SLC12A3: variants seen among roughly 807,000 people sequenced by gnomAD.
The protein encoded by SLC12A3 is Na-Cl cotransporter.
SLC12A3 carries 104 observed loss-of-function variants against 121.0 expected under a neutral mutation model. That is an observed-to-expected ratio of 0.86 (90% CI 0.73 to 1.01). SLC12A3 has a LOEUF of 1.01. SLC12A3 is among the 50% of genes least tolerant of loss of function. The pLI is 0.00. For synonymous variants in SLC12A3, 536 were observed against 533.4 expected, an observed-to-expected ratio of 1.00 and a Z score of -0.07; for missense variants, 1,328 against 1,356.3, an observed-to-expected ratio of 0.98 and a Z score of 0.33.
At chr16:56,909,182 G>C (rs1475048468) in intron 25 of SLC12A3, among the ~76,000 whole-genome samples, 2 of 151,998 alleles carry the variant, frequency 1.3e-5, no homozygotes, top group African/African-American at 4.8e-5. Flanking sequence ...GTCTCAGCTG[G>C]GCATAGTGGC....
In SLC12A3 at chr16:56,894,731, A is replaced by G. The variant is rs34336141; in HGVS notation, c.2633+89A>G. 1,426 of 961,668 alleles carry G rather than the reference A, an allele frequency of 1.5e-3. 17 individuals are homozygous for G. In the African/African-American group the frequency reaches 0.02, roughly 14 times the overall value. 59.6% of individuals were successfully genotyped at this position (961,668 alleles called of 1,614,324 possible). A position where few individuals can be genotyped will look rare whatever the true frequency, so the allele number is the denominator to read the frequency against. Reference sequence around the variant, plus strand: ...GGCTGTCCCCTACCCTAGATCCTCTACCACCACCCCCAGGTGGGCACTGAG... The same window carrying G: ...GGCTGTCCCCTACCCTAGATCCTCTGCCACCACCCCCAGGTGGGCACTGAG... On this transcript the variant is annotated intron_variant, in intron 22 of 25. Transcript: ENST00000563236.
intron 2 of SLC12A3, 67 bp from the exon 3 acceptor site, chr16:56,868,230 G>A (rs776659969): frequency 1.1e-5 from 17 of 1,480,666 alleles, no homozygotes; most frequent in Non-Finnish European, 1.5e-5. Context: ...CATAGCAAGG[G>A]ACAGGGACTT....
intron 3 of SLC12A3, among the ~76,000 whole-genome samples, chr16:56,869,283 G>T (rs1264623682): frequency 6.6e-6 from 1 of 152,164 alleles, no homozygotes; most frequent in African/African-American, 2.4e-5. Context: ...ATAAATGCTG[G>T]CTCAAGGGCT....
intron 24 of SLC12A3, among the ~76,000 whole-genome samples, chr16:56,903,417 C>T (rs3794655): frequency 0.14 from 21,145 of 152,168 alleles, 1,575 homozygotes; most frequent in Middle Eastern, 0.18. Context: ...TTCTCCACCA[C>T]GAGGGAGCTT....
intron 8 of SLC12A3, among the ~76,000 whole-genome samples, chr16:56,874,830 G>A (rs543199936): frequency 6.6e-6 from 1 of 152,240 alleles, no homozygotes; most frequent in African/African-American, 2.4e-5. Context: ...GCAAAAAAAA[G>A]GAATGCACAT....
intron 25 of SLC12A3, among the ~76,000 whole-genome samples, chr16:56,905,093 A>G (rs528164105): frequency 4.3e-4 from 66 of 152,274 alleles, no homozygotes; most frequent in Middle Eastern, 3.4e-3. Flanking sequence ...TAATCCCAGC[A>G]CTTTGGGAGG....
At chr16:56,880,456 C>T (rs2055226080) in intron 12 of SLC12A3, among the ~76,000 whole-genome samples, 2 of 152,314 alleles carry the variant, frequency 1.3e-5, no homozygotes, top group South Asian at 4.1e-4. Context: ...CCCCTTCCCA[C>T]CTCCAGGCAG....
chr16:56,892,513 AC>A (rs2055402416), intron 20 of SLC12A3, among the ~76,000 whole-genome samples: 1 of 151,936 alleles, frequency 6.6e-6, no homozygotes, highest in Non-Finnish European at 1.5e-5. Context: ...CATCATGGGG[AC>A]CCACCTAGCA....
At chr16:56,911,846 G>A (rs761096232) in intron 25 of SLC12A3, among the ~76,000 whole-genome samples, 28 of 152,252 alleles carry the variant, frequency 1.8e-4, no homozygotes, top group Non-Finnish European at 1.6e-4. Flanking sequence ...GTACTAAGTG[G>A]TGATGACAGC....
At chr16:56,899,201 T>C (rs2055504706) in intron 22 of SLC12A3, among the ~76,000 whole-genome samples, 1 of 152,196 alleles carries the variant, frequency 6.6e-6, no homozygotes, top group African/African-American at 2.4e-5. Context: ...TGAAAATTAG[T>C]TGAATGAATA....
chr16:56,902,472 G>A lies in SLC12A3; in HGVS notation c.2820G>A (p.Lys940=), dbSNP rs1312647566. The A allele has an allele frequency of 6.9e-7, 1 of 1,448,436 alleles. No homozygotes were observed. The highest frequency in any genetic ancestry group is 9.3e-7 in the Non-Finnish European group (1 of 1,072,480). 89.7% of individuals were successfully genotyped at this position (1,448,436 alleles called of 1,614,324 possible). ...AGATGCGGCGGGACTGCCCCTGGAA[G>A]ATCTCAGATGAGGAGATTACGAAGA... ...VNEMRRDCPW[K]ISDEEITKNR... The change falls in exon 24 of 26, where the codon AAG becomes AAA. Residue 940 remains lysine (K), a synonymous_variant. Coordinates refer to ENST00000563236, the MANE Select transcript of SLC12A3 (RefSeq NM_001126108.2).
rs2055738235 is a variant in SLC12A3, at chr16:56,915,372, G to C, written c.*1967G>C. 1 of 152,218 alleles carries C rather than the reference G, an allele frequency of 6.6e-6. No individual in the cohort carries two copies. Among genetic ancestry groups the C allele is most frequent in the Admixed American group, 6.5e-5 (1 of 15,280 alleles). 9.4% of individuals were successfully genotyped at this position (152,218 alleles called of 1,614,324 possible). A position where few individuals can be genotyped will look rare whatever the true frequency, so the allele number is the denominator to read the frequency against. On this transcript the variant is annotated 3_prime_UTR_variant, in exon 26 of 26. Transcript: ENST00000563236. ...TCCTTTCTGGAGTTACAACCCAAAG[G>C]ATGTTAGCATTTCTCAGGTCATCCC...
chr16:56,877,974 G>A (rs1300226287), intron 8 of SLC12A3, 103 bp from the exon 9 acceptor site: 9 of 712,708 alleles, frequency 1.3e-5, no homozygotes, highest in Admixed American at 2.2e-5. Context: ...CCTTAGACAA[G>A]GAGGACAGGC....
intron 1 of SLC12A3, 44 bp downstream of exon 1, chr16:56,865,561 C>A (rs755687569): frequency 6.9e-6 from 11 of 1,594,678 alleles, no homozygotes; most frequent in South Asian, 1.1e-5. Context: ...TGCTGTGTGA[C>A]CTCGACCCAG....
chr16:56,872,476 A>G lies in SLC12A3; in HGVS notation c.964+14A>G, dbSNP rs1442289022. The stretch of plus-strand genomic sequence containing the variant: ...TCAGCTACCGGGGTATGTGCTGATC[A>G]AGGCCCTGACCATGGCTCTGGGGAC... On this transcript the variant is annotated intron_variant, in intron 7 of 25. Coordinates refer to ENST00000563236, the MANE Select transcript of SLC12A3 (RefSeq NM_001126108.2). 3.1e-6 allele frequency: 5 copies of G among 1,607,556 alleles called. No individual in the cohort carries two copies. Among genetic ancestry groups the G allele is most frequent in the Non-Finnish European group, 4.3e-6 (5 of 1,174,292 alleles).
intron 12 of SLC12A3, 119 bp downstream of exon 12, chr16:56,880,372 TG>T (rs2055224905): frequency 7.8e-7 from 1 of 1,287,946 alleles, no homozygotes; most frequent in Admixed American, 2.1e-5. Flanking sequence ...TGACAGTTAG[TG>T]GGCACTAAGA....
chr16:56,883,983 A>G (rs896195351), intron 13 of SLC12A3, 66 bp from the exon 14 acceptor site: 1 of 1,572,500 alleles, frequency 6.4e-7, no homozygotes, highest in African/African-American at 1.4e-5. Context: ...GGCCCTGCCC[A>G]GCAGCTCTGG....
intron 8 of SLC12A3, among the ~76,000 whole-genome samples, chr16:56,876,420 G>A (rs2055164631): frequency 6.6e-6 from 1 of 152,218 alleles, no homozygotes; most frequent in African/African-American, 2.4e-5. Context: ...CCATGTGCAT[G>A]GCCCAGTTGA....
chr16:56,876,629 C>G (rs1288406225), intron 8 of SLC12A3, among the ~76,000 whole-genome samples: 2 of 152,226 alleles, frequency 1.3e-5, no homozygotes, highest in Non-Finnish European at 2.9e-5. Context: ...GACTCCAGCT[C>G]TACACCTCTG....
Sources: allele counts gnomAD v4.1 joint callset (sites outside exome capture counted in the v4.1 genomes callset), GRCh38; gene constraint gnomAD v4.1.1; transcripts MANE v1.5; gene names NCBI Gene and HGNC (gene_info 2026-07-23, HGNC 2026-07-21).